HAPLN3: variants seen among roughly 807,000 people sequenced by gnomAD.
HAPLN3 encodes extracellular link domain containing, 1.
HAPLN3 carries 28 observed loss-of-function variants against 28.1 expected under a neutral mutation model. That is an observed-to-expected ratio of 1.00 (90% CI 0.74 to 1.37). HAPLN3 has a LOEUF of 1.37. Ranked by LOEUF, HAPLN3 falls within the 40% of genes most tolerant of loss-of-function variation. The pLI is 0.00. For missense variants in HAPLN3, 513 were observed against 504.6 expected (o/e 1.02, Z -0.16); for synonymous variants, 211 against 213.1 (o/e 0.99, Z 0.09).
In HAPLN3 at chr15:88,879,478, C is replaced by T. The variant is rs1897637049; in HGVS notation, c.494-209G>A. On this transcript the variant is annotated intron_variant, in intron 3 of 4. Coordinates refer to ENST00000359595, the MANE Select transcript of HAPLN3 (RefSeq NM_178232.4). This position sits in a 1 kb window ranked among gnomAD's most constrained non-coding sequence, Gnocchi z 5.0. ...CTGGTTCACAGCAGTACTCAGAAAA[C>T]ATCCATGAGTTAAGGTAATTAATTA... 1 of 1,530,628 alleles carries T rather than the reference C, an allele frequency of 6.5e-7. No homozygotes were observed. The highest frequency in any genetic ancestry group is 1.4e-5 in the African/African-American group (1 of 72,986). 94.8% of individuals were successfully genotyped at this position (1,530,628 alleles called of 1,614,324 possible). A position where few individuals can be genotyped will look rare whatever the true frequency, so the allele number is the denominator to read the frequency against.
chr15:88,883,550 T>C (rs1014615840), intron 2 of HAPLN3, among the ~76,000 whole-genome samples: 2 of 152,270 alleles, frequency 1.3e-5, no homozygotes, highest in African/African-American at 4.8e-5. Flanking sequence ...GGCCACTTCC[T>C]TGGTTCTTCC....
In HAPLN3 at chr15:88,879,365, C is replaced by G; in HGVS notation, c.494-96G>C. The G allele has an allele frequency of 6.3e-7, 1 of 1,576,020 alleles. No homozygotes were observed. Among genetic ancestry groups the G allele is most frequent in the Non-Finnish European group, 8.6e-7 (1 of 1,169,440 alleles). The stretch of plus-strand genomic sequence containing the variant: ...CCACCTTCACTGGGACATGTGCTGC[C>G]TGCAACACACACACATACACCATCC... On this transcript the variant is annotated intron_variant, in intron 3 of 4. Transcript: ENST00000359595. The surrounding 1 kb of genome is among the most constrained non-coding windows in gnomAD (Gnocchi z 5.0).
chr15:88,881,762 A>T lies in HAPLN3; in HGVS notation c.125-37T>A. 3 of 1,576,698 alleles carry T rather than the reference A, an allele frequency of 1.9e-6. No homozygotes were observed. Among genetic ancestry groups the T allele is most frequent in the Non-Finnish European group, 2.6e-6 (3 of 1,158,954 alleles). ...GACAGGGTGCAGATGAGACCTGCTG[A>T]AGCACATCTGTACCCCTGCAAGGGC... On this transcript the variant is annotated intron_variant, in intron 2 of 4. Coordinates refer to ENST00000359595, the MANE Select transcript of HAPLN3 (RefSeq NM_178232.4). The surrounding 1 kb of genome is among the most constrained non-coding windows in gnomAD (Gnocchi z 6.0).
Position 88,881,287 on chromosome 15 carries a change from G to C in HAPLN3, c.493+70C>G. ...TAAATGTCTAAAGCACAGAGGTCTGGATGTTTTCTCTGGTCCTCTCCCCTC... is the reference window on the plus strand; with the variant it reads ...TAAATGTCTAAAGCACAGAGGTCTGCATGTTTTCTCTGGTCCTCTCCCCTC... On this transcript the variant is annotated intron_variant, in intron 3 of 4. Coordinates refer to ENST00000359595, the MANE Select transcript of HAPLN3 (RefSeq NM_178232.4). This position sits in a 1 kb window ranked among gnomAD's most constrained non-coding sequence, Gnocchi z 6.0. The C allele has an allele frequency of 3.9e-6, 6 of 1,519,990 alleles. No individual in the cohort carries two copies. Among genetic ancestry groups the C allele is most frequent in the Non-Finnish European group, 5.3e-6 (6 of 1,129,228 alleles). 94.2% of individuals were successfully genotyped at this position (1,519,990 alleles called of 1,614,324 possible). A position where few individuals can be genotyped will look rare whatever the true frequency, so the allele number is the denominator to read the frequency against.
intron 2 of HAPLN3, among the ~76,000 whole-genome samples, chr15:88,882,376 A>G (rs1897728599): frequency 6.6e-6 from 1 of 152,240 alleles, no homozygotes; most frequent in Non-Finnish European, 1.5e-5. Context: ...CATGAGGTAC[A>G]TGGCCAGGAC....
chr15:88,880,745 T>C lies in HAPLN3; in HGVS notation c.493+612A>G. On this transcript the variant is annotated intron_variant, in intron 3 of 4. Coordinates refer to ENST00000359595, the MANE Select transcript of HAPLN3 (RefSeq NM_178232.4). This position sits in a 1 kb window ranked among gnomAD's most constrained non-coding sequence, Gnocchi z 6.0. The stretch of plus-strand genomic sequence containing the variant: ...GTTTTGGGGGGGCTTTTTGTTTGTT[T>C]TTTGTTTTGTTTTGTTTTTAAAAAG... 3 of 312,990 alleles carry C rather than the reference T, an allele frequency of 9.6e-6. No individual in the cohort carries two copies. The highest frequency in any genetic ancestry group is 8.9e-5 in the South Asian group (3 of 33,860). The allele number at this position is 312,990 out of a possible 1,614,324, so 19.4% of individuals were successfully genotyped here.
chr15:88,880,684 G>A lies in HAPLN3; in HGVS notation c.493+673C>T. ...ACATACAAGATCCGGCTTGCAGGGTGTGGCTGGTTTGGACAGCACTGGGTT... is the reference window on the plus strand; with the variant it reads ...ACATACAAGATCCGGCTTGCAGGGTATGGCTGGTTTGGACAGCACTGGGTT... On this transcript the variant is annotated intron_variant, in intron 3 of 4. Transcript: ENST00000359595. This position sits in a 1 kb window ranked among gnomAD's most constrained non-coding sequence, Gnocchi z 6.0. 9 of 1,082,466 alleles carry A rather than the reference G, an allele frequency of 8.3e-6. No individual in the cohort carries two copies. The highest frequency in any genetic ancestry group is 1.1e-5 in the Non-Finnish European group (9 of 806,864). 67.1% of individuals were successfully genotyped at this position (1,082,466 alleles called of 1,614,324 possible).
rs1308132688 is a variant in HAPLN3 at position 88,888,227 on chromosome 15, G to T, written c.-47-882C>A. ...CTGCCTCAGCCTCCCGAGTAGCTGG[G>T]ACTACAGGTGCGTGCCACCAAGCTC... On this transcript the variant is annotated intron_variant, in intron 1 of 4. Transcript: ENST00000359595. This position sits in a 1 kb window ranked among gnomAD's most constrained non-coding sequence, Gnocchi z 4.1. 6.6e-6 allele frequency among the ~76,000 whole-genome samples: 1 copy of T among 151,766 alleles called. No individual in the cohort carries two copies.
Position 88,888,409 on chromosome 15 carries a change from A to G in HAPLN3, c.-47-1064T>C, listed in dbSNP as rs374008406. 3.9e-5 allele frequency among the ~76,000 whole-genome samples: 6 copies of G among 152,244 alleles called. No individual in the cohort carries two copies. The East Asian group carries it at 1.2e-3, about 29-fold the overall frequency. ...CCCAACTCAAAAATAATTTTTGAAC[A>G]CCATGCTAGAGGTCTTGGGAGCTAT... On this transcript the variant is annotated intron_variant, in intron 1 of 4. Transcript: ENST00000359595. The surrounding 1 kb of genome is among the most constrained non-coding windows in gnomAD (Gnocchi z 4.1).
chr15:88,881,394 C>T lies in HAPLN3; in HGVS notation c.456G>A (p.Leu152=), dbSNP rs1897692189. The part of the protein sequence containing the change: ...GRYRCEVIDG[L]EDESGLVELE... ...GCTCCACCAGACCGCTTTCATCCTC[C>T]AGCCCGTCAATGACCTCACAGCGGT... Residue 152 remains leucine, a synonymous_variant, in exon 3 of 5, where the codon CTG becomes CTA. Transcript: ENST00000359595. The surrounding 1 kb of genome is among the most constrained non-coding windows in gnomAD (Gnocchi z 6.0). The T allele has an allele frequency of 6.2e-7, 1 of 1,613,732 alleles. No individual in the cohort carries two copies. Among genetic ancestry groups the T allele is most frequent in the South Asian group, 1.1e-5 (1 of 91,058 alleles).
rs1898123189 is a variant in HAPLN3, at chr15:88,895,152, G to T, written c.-48+307C>A. ...GAGCCAAGCGGACCCTGGCAGGAAGGGGGCTGGAGGCGGACGGTGGTCTCG... is the reference window on the plus strand; with the variant it reads ...GAGCCAAGCGGACCCTGGCAGGAAGTGGGCTGGAGGCGGACGGTGGTCTCG... On this transcript the variant is annotated intron_variant, in intron 1 of 4. Coordinates refer to ENST00000359595, the MANE Select transcript of HAPLN3 (RefSeq NM_178232.4). This position sits in a 1 kb window ranked among gnomAD's most constrained non-coding sequence, Gnocchi z 5.5. Among the ~76,000 whole-genome samples the T allele has an allele frequency of 6.6e-6, 1 of 152,234 alleles. No homozygotes were observed. The highest frequency in any genetic ancestry group is 2.4e-5 in the African/African-American group (1 of 41,466).
Position 88,878,174 on chromosome 15 carries a change from G to A in HAPLN3, c.879C>T (p.Ile293=), listed in dbSNP as rs7182726. 326,446 of 1,613,966 alleles carry A rather than the reference G, an allele frequency of 0.2. 33,598 individuals carry two copies. Among genetic ancestry groups the A allele is most frequent in the Middle Eastern group, 0.26 (1,588 of 6,062 alleles). ...REACQEDDAT[I]AKVGQLFAAW... ...CGGCAAAGAGCTGTCCCACCTTGGC[G>A]ATCGTGGCATCATCTTCCTGGCAGG... Residue 293 remains isoleucine (I), a synonymous_variant, in exon 5 of 5, where the codon ATC becomes ATT. Transcript: ENST00000359595.
At position 88,890,211 on chromosome 15, in the gene HAPLN3, C is replaced by T. The variant is rs376774882; in HGVS notation, c.-47-2866G>A. ...AGTTGAGAGGCCAAATCCACCATTCCCTTAGACACCACAGAAATCCCAAGG... is the reference window on the plus strand; with the variant it reads ...AGTTGAGAGGCCAAATCCACCATTCTCTTAGACACCACAGAAATCCCAAGG... On this transcript the variant is annotated intron_variant, in intron 1 of 4. Coordinates refer to ENST00000359595, the MANE Select transcript of HAPLN3 (RefSeq NM_178232.4). Among the ~76,000 whole-genome samples, 612 of 152,248 alleles carry T rather than the reference C, an allele frequency of 4.0e-3. 23 individuals are homozygous for T. In the South Asian group the frequency reaches 0.087, roughly 22 times the overall value.
chr15:88,884,321 T>G (rs966215503), intron 2 of HAPLN3, among the ~76,000 whole-genome samples: 2 of 152,100 alleles, frequency 1.3e-5, no homozygotes, highest in African/African-American at 4.8e-5. Flanking sequence ...TCCCAGCACT[T>G]TGGGAGGCCA....
At chr15:88,892,565 A>G (rs1898040814) in intron 1 of HAPLN3, among the ~76,000 whole-genome samples, 1 of 152,150 alleles carries the variant, frequency 6.6e-6, no homozygotes, top group South Asian at 2.1e-4. Flanking sequence ...TCTCTGAGAG[A>G]GGAGCAGCAC....
chr15:88,886,517 A>G (rs1219660575), intron 2 of HAPLN3, among the ~76,000 whole-genome samples: 1 of 151,862 alleles, frequency 6.6e-6, no homozygotes, highest in Admixed American at 6.6e-5. Context: ...AGCTAGTAAG[A>G]GGTAGAATTA....
chr15:88,878,856 G>T, intron 4 of HAPLN3, 111 bp downstream of exon 4: 1 of 1,180,954 alleles, frequency 8.5e-7, no homozygotes, highest in Non-Finnish European at 1.2e-6. Flanking sequence ...GCCTCCAGGT[G>T]GCAGTACCAG....
intron 1 of HAPLN3, among the ~76,000 whole-genome samples, chr15:88,890,369 C>T (rs955723956): frequency 6.6e-6 from 1 of 152,150 alleles, no homozygotes; most frequent in Admixed American, 6.5e-5. Context: ...ACTGGGAGGC[C>T]TAAGCACAAT....
chr15:88,880,609 T>C lies in HAPLN3; in HGVS notation c.493+748A>G, dbSNP rs1282660967. 2 of 1,288,460 alleles carry C rather than the reference T, an allele frequency of 1.6e-6. No individual in the cohort carries two copies. The highest frequency in any genetic ancestry group is 5.6e-5 in the East Asian group (1 of 17,982). 79.8% of individuals were successfully genotyped at this position (1,288,460 alleles called of 1,614,324 possible). The stretch of plus-strand genomic sequence containing the variant: ...AGAGATGTGAGGACACACAGCCCCA[T>C]CCTAGAGACAGAGAAGGTAAATACA... On this transcript the variant is annotated intron_variant, in intron 3 of 4. Coordinates refer to ENST00000359595, the MANE Select transcript of HAPLN3 (RefSeq NM_178232.4). The surrounding 1 kb of genome is among the most constrained non-coding windows in gnomAD (Gnocchi z 6.0).
Sources: allele counts gnomAD v4.1 joint callset (sites outside exome capture counted in the v4.1 genomes callset), GRCh38; gene constraint gnomAD v4.1.1; non-coding constraint Gnocchi (gnomAD v3.1); transcripts MANE v1.5; gene names NCBI Gene and HGNC (gene_info 2026-07-23, HGNC 2026-07-21).